Variants in CEP95 observed in about 807,000 individuals in gnomAD.
CEP95 encodes centrosomal protein 95.
A neutral mutation model predicts 111.2 loss-of-function variants in CEP95; 98 were observed. That is an observed-to-expected ratio of 0.88 (90% CI 0.75 to 1.04). The LOEUF is 1.04. Among genes scored for constraint, CEP95 ranks in the 50% least tolerant of loss-of-function variants. The probability of loss-of-function intolerance (pLI) is 0.00; values close to 1 mark genes in which losing one functional copy is unlikely to be tolerated. For missense variants in CEP95, 1,027 were observed against 977.2 expected (o/e 1.05, Z -0.68); for synonymous variants, 323 against 327.1 (o/e 0.99, Z 0.14).
In CEP95 at chr17:64,531,882, C is replaced by CT; in HGVS notation, c.1540-6dup. 1.3e-6 allele frequency: 2 copies of CT among 1,544,448 alleles called. No homozygotes were observed. The highest frequency in any genetic ancestry group is 8.7e-7 in the Non-Finnish European group (1 of 1,150,076). ...TTATTTTTATTCTGTTTTATATCTG[C>CT]TTCTAAGGAAAAAATATACAGAGGA... On this transcript the variant is annotated splice_polypyrimidine_tract_variant and splice_region_variant and intron_variant, in intron 13 of 19. Transcript: ENST00000556440.
Position 64,521,501 on chromosome 17 carries a change from A to G in CEP95, c.689A>G (p.Lys230Arg). The part of the protein sequence containing the change: ...DMLYPPSVLS[K>R]SRTSFVEDTE... ...TTGTACCCTCCTAGTGTTTTGTCCA[A>G]GAGTAGGACATCCTTTGTTGAAGAC... The change falls in exon 7 of 20, where the codon AAG becomes AGG. Residue 230 changes from lysine (K) to arginine (R), a missense_variant. Coordinates refer to ENST00000556440, the MANE Select transcript of CEP95 (RefSeq NM_138363.3). 6.2e-7 allele frequency: 1 copy of G among 1,612,582 alleles called. No individual in the cohort carries two copies. The highest frequency in any genetic ancestry group is 1.1e-5 in the South Asian group (1 of 90,836).
chr17:64,508,583 TCCCAACAGAG>T lies in CEP95; in HGVS notation c.20-8_21del. ...TTTAAGACTGATCTTTCCCCCTTTT[TCCCAACAGAG>T]TGGGTAACCATTGCCAATAACCTTC... On this transcript the variant is annotated splice_acceptor_variant and splice_polypyrimidine_tract_variant and coding_sequence_variant and intron_variant, in exon 2 of 20. Coordinates refer to ENST00000556440, the MANE Select transcript of CEP95 (RefSeq NM_138363.3). LOFTEE classifies it high-confidence loss of function. 1 of 1,376,732 alleles carries T rather than the reference TCCCAACAGAG, an allele frequency of 7.3e-7. No homozygotes were observed. The highest frequency in any genetic ancestry group is 2.8e-5 in the Admixed American group (1 of 35,614). 85.3% of individuals were successfully genotyped at this position (1,376,732 alleles called of 1,614,324 possible). A position where few individuals can be genotyped will look rare whatever the true frequency, so the allele number is the denominator to read the frequency against.
At chr17:64,526,884 C>T (rs1185996836) in intron 10 of CEP95, among the ~76,000 whole-genome samples, 1 of 152,186 alleles carries the variant, frequency 6.6e-6, no homozygotes, top group Non-Finnish European at 1.5e-5. Flanking sequence ...CACTGGAACC[C>T]AGTAGGCAGA....
intron 8 of CEP95, 27 bp from the exon 9 acceptor site, chr17:64,525,743 A>C (rs984482480): frequency 2.7e-6 from 4 of 1,472,060 alleles, no homozygotes; most frequent in Non-Finnish European, 3.7e-6. Context: ...AGCTTTTTCA[A>C]ATCAACTTTT....
rs782817741 is a variant in CEP95, at chr17:64,510,184, A to G, written c.160A>G (p.Ile54Val). 4 of 1,602,794 alleles carry G rather than the reference A, an allele frequency of 2.5e-6. No individual in the cohort carries two copies. In the East Asian group the frequency reaches 8.9e-5, roughly 36 times the overall value. Residue 54 changes from isoleucine (I) to valine (V), a missense_variant, in exon 3 of 20, where the codon ATT becomes GTT. By Grantham distance (29) the Ile-to-Val change is conservative. Transcript: ENST00000556440. ...LGEKVPDLIV[I>V]PRSQEDDAHN... ...TTTTCCCCCCCCAGACCTCATAGTT[A>G]TTCCTAGGAGTCAAGAAGATGATGC... is the stretch of plus-strand genomic sequence containing the variant.
intron 5 of CEP95, among the ~76,000 whole-genome samples, chr17:64,517,195 C>T (rs564943924): frequency 1.1e-4 from 16 of 152,100 alleles, no homozygotes; most frequent in East Asian, 1.9e-4. Flanking sequence ...TACAGGCACG[C>T]GCCACCATGC....
intron 6 of CEP95, 70 bp from the exon 7 acceptor site, chr17:64,521,332 G>T: frequency 8.7e-7 from 1 of 1,149,356 alleles, no homozygotes. Flanking sequence ...AAAACTCTTG[G>T]CTTTTAGTAT....
At position 64,521,474 on chromosome 17, in the gene CEP95, T is replaced by G. The variant is rs782715885; in HGVS notation, c.662T>G (p.Met221Arg). ...ASPSSKSHED[M>R]LYPPSVLSKS... ...CCAAGTTCTAAATCACATGAAGATA[T>G]GTTGTACCCTCCTAGTGTTTTGTCC... Residue 221 changes from methionine (M) to arginine (R), a missense_variant, in exon 7 of 20, where the codon ATG becomes AGG. By Grantham distance (91) the Met-to-Arg change is moderately conservative. Coordinates refer to ENST00000556440, the MANE Select transcript of CEP95 (RefSeq NM_138363.3). The G allele has an allele frequency of 6.2e-7, 1 of 1,612,944 alleles. No individual in the cohort carries two copies. Among genetic ancestry groups the G allele is most frequent in the Non-Finnish European group, 8.5e-7 (1 of 1,179,094 alleles).
intron 6 of CEP95, 71 bp from the exon 7 acceptor site, chr17:64,521,331 G>C: frequency 8.9e-7 from 1 of 1,123,056 alleles, no homozygotes; most frequent in East Asian, 2.5e-5. Flanking sequence ...CAAAACTCTT[G>C]GCTTTTAGTA....
In CEP95 at chr17:64,508,440, G is replaced by A. The variant is rs564189991; in HGVS notation, c.20-152G>A. Reference sequence around the variant, plus strand: ...TCTTTTTAAAAACCATGCCTAAAGGGTCTTTGAAATTCTCTAACAATCAAA... The same window carrying A: ...TCTTTTTAAAAACCATGCCTAAAGGATCTTTGAAATTCTCTAACAATCAAA... On this transcript the variant is annotated intron_variant, in intron 1 of 19. Transcript: ENST00000556440. The A allele has an allele frequency of 1.3e-5, 15 of 1,150,120 alleles. No homozygotes were observed. The African/African-American group carries it at 1.9e-4, about 15-fold the overall frequency. 71.2% of individuals were successfully genotyped at this position (1,150,120 alleles called of 1,614,324 possible). A position where few individuals can be genotyped will look rare whatever the true frequency, so the allele number is the denominator to read the frequency against.
At chr17:64,506,802 A>T, upstream of CEP95, 1 of 564,030 alleles carries the variant, frequency 1.8e-6, no homozygotes. Context: ...CTGCCGGCTG[A>T]TGTGGACCGT....
chr17:64,518,139 A>C (rs1190945991), intron 5 of CEP95, among the ~76,000 whole-genome samples: 5 of 152,192 alleles, frequency 3.3e-5, no homozygotes, highest in African/African-American at 9.7e-5. Flanking sequence ...AGCCTCCCAA[A>C]GTGGTGGGAT....
At chr17:64,512,394 T>C (rs990196406) in intron 3 of CEP95, among the ~76,000 whole-genome samples, 1 of 152,200 alleles carries the variant, frequency 6.6e-6, no homozygotes, top group Non-Finnish European at 1.5e-5. Context: ...ATTCAGAAGT[T>C]TTTTTCTGTA....
rs1555678311 is a variant in CEP95, at chr17:64,522,859, C to T, written c.873C>T (p.Ala291=). The T allele has an allele frequency of 6.2e-6, 10 of 1,612,680 alleles. No homozygotes were observed. The highest frequency in any genetic ancestry group is 1.7e-4 in the Middle Eastern group (1 of 5,728). ...EYLHSSHCSP[A]VNSTGEHTEF... ...TGCATTCAAGTCACTGCTCCCCAGCCGTAAATTCTACTGGAGAGCATACGG... is the reference window on the plus strand; with the variant it reads ...TGCATTCAAGTCACTGCTCCCCAGCTGTAAATTCTACTGGAGAGCATACGG... The change falls in exon 8 of 20, where the codon GCC becomes GCT. Residue 291 remains alanine, a synonymous_variant. Transcript: ENST00000556440.
chr17:64,523,936 A>G (rs1555678546), intron 8 of CEP95, among the ~76,000 whole-genome samples: 1 of 152,244 alleles, frequency 6.6e-6, no homozygotes, highest in Non-Finnish European at 1.5e-5. Flanking sequence ...GCAGGTATGT[A>G]CACAGGGTAG....
Position 64,529,414 on chromosome 17 carries a change from A to G in CEP95, c.1433A>G (p.Gln478Arg). ...QRKPRETDVR[Q>R]FQAQAFTEAF... ...AAGCCAAGAGAAACAGATGTCCGCC[A>G]ATTCCAAGCACAGGTTCTTCCCCAT... Residue 478 changes from glutamine (Q) to arginine (R), a missense_variant, in exon 12 of 20, where the codon CAA becomes CGA. Gln to Arg is a conservative substitution (Grantham distance 43). Coordinates refer to ENST00000556440, the MANE Select transcript of CEP95 (RefSeq NM_138363.3). 6.2e-7 allele frequency: 1 copy of G among 1,613,774 alleles called. No individual in the cohort carries two copies. Among genetic ancestry groups the G allele is most frequent in the South Asian group, 1.1e-5 (1 of 91,060 alleles).
chr17:64,514,883 A>T (rs1555676012), intron 4 of CEP95: 1 of 155,296 alleles, frequency 6.4e-6, no homozygotes. Flanking sequence ...ATAATATATT[A>T]CCTGTTCTTA....
chr17:64,531,622 G>T (rs1968286764), intron 13 of CEP95, among the ~76,000 whole-genome samples: 1 of 152,262 alleles, frequency 6.6e-6, no homozygotes, highest in East Asian at 1.9e-4. Context: ...TGTATTTAGG[G>T]TGTGGGACTA....
chr17:64,516,451 T>A (rs974312599), intron 4 of CEP95, among the ~76,000 whole-genome samples: 1 of 152,236 alleles, frequency 6.6e-6, no homozygotes, highest in South Asian at 2.1e-4. Flanking sequence ...TATAAAAATA[T>A]TGAATGGACC....
Sources: allele counts gnomAD v4.1 joint callset (sites outside exome capture counted in the v4.1 genomes callset), GRCh38; gene constraint gnomAD v4.1.1; transcripts MANE v1.5; gene names NCBI Gene and HGNC (gene_info 2026-07-23, HGNC 2026-07-21).